The following LINGO2 variants were observed in gnomAD, a reference collection of about 807,000 sequenced individuals.
The protein encoded by LINGO2 is leucine-rich repeat and immunoglobulin-like domain-containing nogo receptor-interacting protein 2.
Under a neutral mutation model 30.6 loss-of-function variants are expected in LINGO2, and 14 were observed. The observed-to-expected ratio is 0.46, with a 90% CI of 0.30 to 0.72. LINGO2 has a LOEUF of 0.72. LINGO2 is among the 30% of genes least tolerant of loss of function. The pLI is 0.07. For synonymous variants in LINGO2, 317 were observed against 288.5 expected (o/e 1.10, Z -1.00); for missense variants, 729 against 751.7 (o/e 0.97, Z 0.35).
chr9:28,189,148 T>G (rs1351127609), intron 4 of LINGO2, among the ~76,000 whole-genome samples: 3 of 151,666 alleles, frequency 2.0e-5, no homozygotes, highest in African/African-American at 4.8e-5. Flanking sequence ...TTTATACACC[T>G]TTCCAAACCA....
chr9:28,835,570 G>T, the LINGO2 span, among the ~76,000 whole-genome samples: 7 of 152,102 alleles, frequency 4.6e-5, no homozygotes, highest in African/African-American at 1.7e-4. Flanking sequence ...TTAGATCCTA[G>T]TGGTTTTGAC....
chr9:28,699,161 T>C, the LINGO2 span, among the ~76,000 whole-genome samples: 1 of 152,100 alleles, frequency 6.6e-6, no homozygotes, highest in African/African-American at 2.4e-5. Context: ...TTTACATTAA[T>C]GTTAACTCTT....
intron 5 of LINGO2, among the ~76,000 whole-genome samples, chr9:28,005,791 G>A (rs1195252359): frequency 2.0e-5 from 3 of 151,556 alleles, no homozygotes; most frequent in African/African-American, 4.9e-5. Flanking sequence ...TTCCTTTATA[G>A]GGCCACCAAG....
At chr9:28,205,834 A>G (rs1382333710) in intron 4 of LINGO2, among the ~76,000 whole-genome samples, 1 of 152,166 alleles carries the variant, frequency 6.6e-6, no homozygotes, top group Non-Finnish European at 1.5e-5. Context: ...AAACAAGTGC[A>G]GTCTAAAGTG....
chr9:28,103,330 G>A (rs181548285), intron 4 of LINGO2, among the ~76,000 whole-genome samples: 1 of 152,200 alleles, frequency 6.6e-6, no homozygotes, highest in African/African-American at 2.4e-5. Context: ...TCATTTAAGA[G>A]GTGGAATCTA....
chr9:28,018,553 C>T (rs976868814), intron 4 of LINGO2, among the ~76,000 whole-genome samples: 1 of 152,012 alleles, frequency 6.6e-6, no homozygotes, highest in African/African-American at 2.4e-5. Context: ...AGATACTTTT[C>T]AGAAGACATA....
intron 4 of LINGO2, among the ~76,000 whole-genome samples, chr9:28,117,832 C>T (rs1358320535): frequency 6.6e-6 from 1 of 151,710 alleles, no homozygotes; most frequent in Non-Finnish European, 1.5e-5. Context: ...GTGAGATGAA[C>T]CCGGTACCTC....
the LINGO2 span, among the ~76,000 whole-genome samples, chr9:29,173,203 G>C: frequency 6.6e-6 from 1 of 151,998 alleles, no homozygotes; most frequent in South Asian, 2.1e-4. Flanking sequence ...TTGGAATAGA[G>C]TGTCCTGACT....
chr9:28,332,530 G>A (rs755803123), intron 3 of LINGO2, among the ~76,000 whole-genome samples: 7 of 151,792 alleles, frequency 4.6e-5, no homozygotes, highest in Admixed American at 1.3e-4. Context: ...ATCCTAGGGT[G>A]GTACTATCTA....
chr9:28,522,083 C>T (rs1268404519), intron 1 of LINGO2, among the ~76,000 whole-genome samples: 1 of 152,166 alleles, frequency 6.6e-6, no homozygotes, highest in Non-Finnish European at 1.5e-5. Context: ...TAATTTGTTA[C>T]AGCATCTCTA....
intron 1 of LINGO2, among the ~76,000 whole-genome samples, chr9:28,638,113 T>C (rs1827375334): frequency 6.6e-6 from 1 of 152,206 alleles, no homozygotes. Context: ...GTATATATAC[T>C]GGATTACGTT....
At chr9:28,471,771 C>A (rs1825529876) in intron 2 of LINGO2, among the ~76,000 whole-genome samples, 1 of 152,138 alleles carries the variant, frequency 6.6e-6, no homozygotes, top group African/African-American at 2.4e-5. Context: ...TACCAACAAG[C>A]TTTTAAGCCA....
At chr9:28,761,341 G>A in the LINGO2 span, among the ~76,000 whole-genome samples, 1 of 151,882 alleles carries the variant, frequency 6.6e-6, no homozygotes, top group Non-Finnish European at 1.5e-5. Context: ...TCAGTTAGCT[G>A]AATAAGAGCT....
At chr9:29,188,225 C>T in the LINGO2 span, among the ~76,000 whole-genome samples, 10 of 151,580 alleles carry the variant, frequency 6.6e-5, no homozygotes, top group Non-Finnish European at 1.5e-4. Flanking sequence ...TGACTCTTAA[C>T]GAGCATGCTG....
the LINGO2 span, among the ~76,000 whole-genome samples, chr9:29,091,161 C>A: frequency 2.0e-5 from 3 of 151,942 alleles, no homozygotes. Context: ...AGTTCCAAAT[C>A]TGACATCTCT....
chr9:28,738,824 A>C, the LINGO2 span, among the ~76,000 whole-genome samples: 3 of 152,092 alleles, frequency 2.0e-5, no homozygotes, highest in Non-Finnish European at 4.4e-5. Flanking sequence ...GTCCAATAAA[A>C]ATAGATATTT....
At chr9:29,149,436 A>G in the LINGO2 span, among the ~76,000 whole-genome samples, 37,840 of 151,628 alleles carry the variant, frequency 0.25, 4,901 homozygotes, top group East Asian at 0.44. Context: ...CAGATATTTC[A>G]AGAGAAAACA....
chr9:28,163,602 C>T (rs1408296398), intron 4 of LINGO2, among the ~76,000 whole-genome samples: 2 of 152,072 alleles, frequency 1.3e-5, no homozygotes, highest in African/African-American at 4.8e-5. Flanking sequence ...CTGCTCCTTT[C>T]AATGACTTTT....
At chr9:28,929,550 A>T in the LINGO2 span, among the ~76,000 whole-genome samples, 86 of 152,296 alleles carry the variant, frequency 5.6e-4, no homozygotes, top group South Asian at 0.017. Context: ...GGAGGGCCTC[A>T]GCAAATAGTC....
Sources: allele counts gnomAD v4.1 joint callset (sites outside exome capture counted in the v4.1 genomes callset), GRCh38; gene constraint gnomAD v4.1.1; transcripts MANE v1.5; gene names NCBI Gene and HGNC (gene_info 2026-07-23, HGNC 2026-07-21).